ST3GAL2: variants seen among roughly 807,000 people sequenced by gnomAD.
The protein encoded by ST3GAL2 is CMP-N-acetylneuraminate-beta-galactosamide-alpha-2,3-sialyltransferase 2.
Under a neutral mutation model 37.5 loss-of-function variants are expected in ST3GAL2, and 16 were observed. The observed-to-expected ratio is 0.43, with a 90% CI of 0.29 to 0.65. The LOEUF is 0.65. Ranked by LOEUF, ST3GAL2 falls within the 30% of genes least tolerant of loss-of-function variation. ST3GAL2 has a pLI of 0.17. For synonymous variants in ST3GAL2, 238 were observed against 202.9 expected (o/e 1.17, Z -1.47); for missense variants, 383 against 487.8 (o/e 0.79, Z 2.02).
At chr16:70,412,176 A>G (rs1413483311) in intron 1 of ST3GAL2, among the ~76,000 whole-genome samples, 1 of 152,062 alleles carries the variant, frequency 6.6e-6, no homozygotes. Flanking sequence ...CCTGTCCAAA[A>G]ATACCTTTAT....
At chr16:70,403,285 G>A (rs149921710) in intron 1 of ST3GAL2, among the ~76,000 whole-genome samples, 17 of 152,306 alleles carry the variant, frequency 1.1e-4, no homozygotes, top group East Asian at 5.8e-4. Context: ...TATGGAGGCT[G>A]TGGCCTGAGC....
intron 1 of ST3GAL2, among the ~76,000 whole-genome samples, chr16:70,407,884 A>G (rs1028605647): frequency 2.0e-5 from 3 of 152,186 alleles, no homozygotes; most frequent in African/African-American, 7.2e-5. Flanking sequence ...AGACCAGCAC[A>G]GCTGAATACA....
intron 1 of ST3GAL2, among the ~76,000 whole-genome samples, chr16:70,421,268 C>T (rs2047712539): frequency 6.6e-6 from 1 of 152,224 alleles, no homozygotes; most frequent in Non-Finnish European, 1.5e-5. Context: ...AGTTCACCAC[C>T]TCTGGAAAGT....
chr16:70,436,739 G>C lies in ST3GAL2; in HGVS notation c.-1004+2210C>G, dbSNP rs190290449. On this transcript the variant is annotated intron_variant, in intron 1 of 6. Transcript: ENST00000342907. Reference sequence around the variant, plus strand: ...GACCTTCCGCTGTAATTCATTTACTGAACACCCACTAGGTGCTAAGGACCA... The same window carrying C: ...GACCTTCCGCTGTAATTCATTTACTCAACACCCACTAGGTGCTAAGGACCA... Among the ~76,000 whole-genome samples, 252 of 152,192 alleles carry C rather than the reference G, an allele frequency of 1.7e-3. 1 individual carries two copies. The highest frequency in any genetic ancestry group is 3.4e-3 in the Middle Eastern group (1 of 294).
chr16:70,427,854 C>T (rs763729945), intron 1 of ST3GAL2, among the ~76,000 whole-genome samples: 1 of 152,216 alleles, frequency 6.6e-6, no homozygotes, highest in African/African-American at 2.4e-5. Context: ...CATTCTTCAC[C>T]TCCAGCAGTC....
intron 3 of ST3GAL2, among the ~76,000 whole-genome samples, chr16:70,394,527 C>A (rs1304701341): frequency 6.6e-6 from 1 of 152,114 alleles, no homozygotes; most frequent in Non-Finnish European, 1.5e-5. Context: ...ACAGACACGC[C>A]ACAATGCCCA....
chr16:70,388,622 G>A, intron 3 of ST3GAL2, 76 bp from the exon 4 acceptor site: 2 of 1,489,566 alleles, frequency 1.3e-6, no homozygotes, highest in Admixed American at 4.8e-5. Context: ...ACAGTTCGAA[G>A]CCATCCATCA....
At chr16:70,416,935 C>A (rs1028914416) in intron 1 of ST3GAL2, among the ~76,000 whole-genome samples, 1 of 152,182 alleles carries the variant, frequency 6.6e-6, no homozygotes, top group Non-Finnish European at 1.5e-5. Context: ...CCCTAAGCAC[C>A]GCAAGCTGCA....
At chr16:70,421,531 C>G (rs187619356) in intron 1 of ST3GAL2, among the ~76,000 whole-genome samples, 1 of 152,212 alleles carries the variant, frequency 6.6e-6, no homozygotes, top group African/African-American at 2.4e-5. Context: ...AAAGGAAGGA[C>G]GCACAGACCT....
rs763210883 is a variant in ST3GAL2 at position 70,381,831 on chromosome 16, C to T, written c.911G>A (p.Arg304Gln). 5 of 1,613,882 alleles carry T rather than the reference C, an allele frequency of 3.1e-6. No individual in the cohort carries two copies. Among genetic ancestry groups the T allele is most frequent in the South Asian group, 1.1e-5 (1 of 91,092 alleles). Residue 304 changes from arginine (R) to glutamine (Q), a missense_variant, in exon 7 of 7, where the codon CGG (arginine) becomes CAG (glutamine). By Grantham distance (43) the Arg-to-Gln change is conservative. Coordinates refer to ENST00000342907, the MANE Select transcript of ST3GAL2 (RefSeq NM_006927.4). ...CTCCCAGTAGTGGTGCCAGTTGCCC[C>T]GGCTGTCGGCCCCGAACCCGTACAC... Reference protein sequence around the residue: ...VNVYGFGADSRGNWHHYWENN... With the variant: ...VNVYGFGADSQGNWHHYWENN...
At chr16:70,422,967 G>T (rs2047725417) in intron 1 of ST3GAL2, 1 of 152,132 alleles carries the variant, frequency 6.6e-6, no homozygotes, top group African/African-American at 2.4e-5. Context: ...CACTGTCCTG[G>T]GCATTCTCTT....
At chr16:70,386,363 T>A (rs979466490) in intron 4 of ST3GAL2, among the ~76,000 whole-genome samples, 26 of 152,088 alleles carry the variant, frequency 1.7e-4, no homozygotes, top group African/African-American at 5.3e-4. Flanking sequence ...AATTTTTTTT[T>A]ATTATTTTTT....
At chr16:70,392,594 A>C (rs976350409) in intron 3 of ST3GAL2, among the ~76,000 whole-genome samples, 1 of 152,132 alleles carries the variant, frequency 6.6e-6, no homozygotes, top group Non-Finnish European at 1.5e-5. Flanking sequence ...GACCAGCTCA[A>C]CTGGACTTGA....
chr16:70,388,914 A>AG (rs1438253127), intron 3 of ST3GAL2, among the ~76,000 whole-genome samples: 2 of 150,626 alleles, frequency 1.3e-5, no homozygotes, highest in African/African-American at 4.9e-5. Context: ...AAAAAAAAAA[A>AG]CAAATATAAA....
chr16:70,429,805 C>A (rs1434502343), intron 1 of ST3GAL2, among the ~76,000 whole-genome samples: 1 of 151,664 alleles, frequency 6.6e-6, no homozygotes, highest in Non-Finnish European at 1.5e-5. Flanking sequence ...CCACACCCGG[C>A]TAATTTTTTG....
chr16:70,399,265 T>A lies in ST3GAL2; in HGVS notation c.-735A>T, dbSNP rs1479194438. On this transcript the variant is annotated 5_prime_UTR_variant, in exon 2 of 7. Coordinates refer to ENST00000342907, the MANE Select transcript of ST3GAL2 (RefSeq NM_006927.4). The stretch of plus-strand genomic sequence containing the variant: ...GGCCCCAGCCCCAGCTGCAGTTGCG[T>A]AGGGGTCGCAAAGCTCCTACTGTGG... The A allele has an allele frequency of 2.5e-6, 1 of 398,842 alleles. No individual in the cohort carries two copies. Among genetic ancestry groups the A allele is most frequent in the Non-Finnish European group, 4.4e-6 (1 of 226,264 alleles). 24.7% of individuals were successfully genotyped at this position (398,842 alleles called of 1,614,324 possible).
In ST3GAL2 at chr16:70,378,687, G is replaced by A. The variant is rs2047370893; in HGVS notation, c.*3002C>T. ...ACTGCACTCCAGCCTGGGCGAGAGT[G>A]AGAATCAGTCTCAAAAAAAAAAAAT... On this transcript the variant is annotated 3_prime_UTR_variant, in exon 7 of 7. Coordinates refer to ENST00000342907, the MANE Select transcript of ST3GAL2 (RefSeq NM_006927.4). The A allele has an allele frequency of 7.3e-6, 1 of 137,696 alleles. No individual in the cohort carries two copies. Among genetic ancestry groups the A allele is most frequent in the East Asian group, 2.2e-4 (1 of 4,590 alleles). 8.5% of individuals were successfully genotyped at this position (137,696 alleles called of 1,614,324 possible).
intron 1 of ST3GAL2, among the ~76,000 whole-genome samples, chr16:70,425,935 G>A (rs752254362): frequency 1.1e-4 from 17 of 152,168 alleles, no homozygotes; most frequent in African/African-American, 4.1e-4. Context: ...CGTGCGGATG[G>A]TGAGGGAGGC....
At chr16:70,414,724 G>C (rs2151671353) in intron 1 of ST3GAL2, among the ~76,000 whole-genome samples, 1 of 152,284 alleles carries the variant, frequency 6.6e-6, no homozygotes, top group South Asian at 2.1e-4. Flanking sequence ...CCAGGCTGTA[G>C]TGCGGTAGTG....
Sources: gnomAD v4.1 joint callset for allele counts (sites outside exome capture counted in the v4.1 genomes callset) on GRCh38, gnomAD v4.1.1 for gene constraint, MANE v1.5 for transcripts, NCBI Gene and HGNC (gene_info 2026-07-23, HGNC 2026-07-21) for gene names.